Variants in SMCO2 observed in about 807,000 individuals in gnomAD.
SMCO2 encodes single-pass membrane and coiled-coil domain-containing protein 2.
Under a neutral mutation model 29.5 loss-of-function variants are expected in SMCO2, and 25 were observed. The observed-to-expected ratio is 0.85, with a 90% CI of 0.62 to 1.18. The LOEUF is 1.18. SMCO2 is among the 50% of genes most tolerant of loss of function. The pLI, the probability that SMCO2 is intolerant of heterozygous loss-of-function variation, is 0.00. For synonymous variants in SMCO2, 117 were observed against 123.3 expected (o/e 0.95, Z 0.34); for missense variants, 348 against 344.5 (o/e 1.01, Z -0.08).
intron 5 of SMCO2, chr12:27,493,719 A>G (rs1942961174): frequency 6.6e-6 from 1 of 152,170 alleles, no homozygotes; most frequent in Non-Finnish European, 1.5e-5. Flanking sequence ...TTCACGTGTT[A>G]GAAGGTGATG....
the SMCO2 span, among the ~76,000 whole-genome samples, chr12:27,449,384 T>A: frequency 6.6e-6 from 1 of 152,090 alleles, no homozygotes; most frequent in African/African-American, 2.4e-5. Context: ...TCTGAAAAAA[T>A]TATAGGAACA....
chr12:27,423,386 G>A, the SMCO2 span: 2 of 132,146 alleles, frequency 1.5e-5, no homozygotes, highest in Non-Finnish European at 3.1e-5. Flanking sequence ...CTGGAGTGCA[G>A]TGGCGCGATC....
intron 1 of SMCO2, among the ~76,000 whole-genome samples, chr12:27,467,554 A>G (rs1339236104): frequency 6.6e-6 from 1 of 151,842 alleles, no homozygotes; most frequent in Non-Finnish European, 1.5e-5. Flanking sequence ...CCACACTTTG[A>G]GCACTAAGGA....
the SMCO2 span, among the ~76,000 whole-genome samples, chr12:27,441,362 C>T: frequency 2.0e-5 from 3 of 152,120 alleles, no homozygotes; most frequent in Non-Finnish European, 4.4e-5. Context: ...TAAAAATACA[C>T]GTAGACCGAA....
chr12:27,447,211 C>T, the SMCO2 span, among the ~76,000 whole-genome samples: 1 of 152,136 alleles, frequency 6.6e-6, no homozygotes, highest in Non-Finnish European at 1.5e-5. Flanking sequence ...TTCACTTTCA[C>T]CTCCAGCCCC....
chr12:27,469,658 G>T (rs769358478), intron 1 of SMCO2, among the ~76,000 whole-genome samples: 2 of 152,170 alleles, frequency 1.3e-5, no homozygotes, highest in Non-Finnish European at 2.9e-5. Flanking sequence ...AGAAGAGAAG[G>T]TGTCTTCCTG....
chr12:27,493,532 CA>C (rs60554184), intron 5 of SMCO2, among the ~76,000 whole-genome samples: 14,918 of 143,834 alleles, frequency 0.1, 998 homozygotes, highest in African/African-American at 0.2. Flanking sequence ...GACCTTGTCT[CA>C]AAAAAAAAAA....
At chr12:27,491,423 G>A (rs1256526881) in intron 5 of SMCO2, among the ~76,000 whole-genome samples, 1 of 152,116 alleles carries the variant, frequency 6.6e-6, no homozygotes, top group Non-Finnish European at 1.5e-5. Flanking sequence ...TTTGATAAGT[G>A]CTGTATGAAG....
intron 5 of SMCO2, 50 bp from the exon 7 acceptor site, chr12:27,494,250 C>T (rs966110195): frequency 4.9e-6 from 6 of 1,226,660 alleles, no homozygotes; most frequent in East Asian, 3.1e-5. Context: ...ATTGTACAAA[C>T]CAGAAAAATA....
At chr12:27,465,263 G>A (rs1949490160), upstream of SMCO2, among the ~76,000 whole-genome samples, 1 of 152,166 alleles carries the variant, frequency 6.6e-6, no homozygotes, top group South Asian at 2.1e-4. Flanking sequence ...ACACTTGGGA[G>A]ACTGCCTAGC....
At chr12:27,483,385 C>G (rs532161192) in intron 4 of SMCO2, among the ~76,000 whole-genome samples, 111 of 152,154 alleles carry the variant, frequency 7.3e-4, no homozygotes, top group African/African-American at 2.5e-3. Context: ...GAACTGATCC[C>G]TTTATCATTA....
the SMCO2 span, among the ~76,000 whole-genome samples, chr12:27,430,009 G>C: frequency 2.0e-5 from 3 of 152,146 alleles, no homozygotes; most frequent in Non-Finnish European, 4.4e-5. Flanking sequence ...TAAAGTCTTT[G>C]ATCTAGCTGA....
At chr12:27,497,288 T>G (rs558662942) in intron 7 of SMCO2, 1 of 153,306 alleles carries the variant, frequency 6.5e-6, no homozygotes, top group Admixed American at 6.6e-5. Flanking sequence ...TAGTAAAATC[T>G]ATGATGCTCT....
At chr12:27,488,421 T>A in intron 4 of SMCO2, 39 bp from the exon 6 acceptor site, 1 of 1,370,142 alleles carries the variant, frequency 7.3e-7, no homozygotes, top group Non-Finnish European at 9.6e-7. Flanking sequence ...GGGTGATTTT[T>A]CTTAATCTGC....
chr12:27,446,743 C>T, the SMCO2 span: 2 of 152,202 alleles, frequency 1.3e-5, no homozygotes, highest in Admixed American at 6.5e-5. Flanking sequence ...TCCAGTGGTT[C>T]TCAAACATTA....
At chr12:27,459,231 G>A in the SMCO2 span, among the ~76,000 whole-genome samples, 1 of 150,672 alleles carries the variant, frequency 6.6e-6, no homozygotes, top group Non-Finnish European at 1.5e-5. Flanking sequence ...TGGTAGACTG[G>A]ATAAAGAAAA....
intron 3 of SMCO2, among the ~76,000 whole-genome samples, chr12:27,474,444 CTT>C (rs1018435377): frequency 7.2e-5 from 11 of 152,054 alleles, no homozygotes; most frequent in African/African-American, 2.7e-4. Flanking sequence ...GTCCTGCCAC[CTT>C]TTCTTTTTTA....
At chr12:27,494,490 A>ATTATTATTT (rs1942973063) in intron 6 of SMCO2, 134 bp downstream of exon 7, 1 of 104,906 alleles carries the variant, frequency 9.5e-6, no homozygotes, top group African/African-American at 5.1e-5. Flanking sequence ...AATTTAATTT[A>ATTATTATTT]TTATTATTAT....
At chr12:27,460,474 A>G in the SMCO2 span, among the ~76,000 whole-genome samples, 1 of 152,242 alleles carries the variant, frequency 6.6e-6, no homozygotes, top group African/African-American at 2.4e-5. Context: ...AAAATGTCAT[A>G]AAGAAAATCA....
Sources: allele counts gnomAD v4.1 joint callset (sites outside exome capture counted in the v4.1 genomes callset), GRCh38; gene constraint gnomAD v4.1.1; transcripts MANE v1.5; gene names NCBI Gene and HGNC (gene_info 2026-07-23, HGNC 2026-07-21).